RGPD2: variants seen among roughly 807,000 people sequenced by gnomAD.
The protein encoded by RGPD2 is RANBP2-like and GRIP domain-containing protein 2.
Under a neutral mutation model 36.0 loss-of-function variants are expected in RGPD2, and 2 were observed. The ratio of observed to expected loss-of-function variants is 0.06; its 90% CI spans 0.02 to 0.17. RGPD2 has a LOEUF of 0.17. RGPD2 is among the 10% of genes least tolerant of loss of function. The pLI is 1.00. For missense variants in RGPD2, 40 were observed against 464.3 expected, an observed-to-expected ratio of 0.09 and a Z score of 8.40; for synonymous variants, 19 against 163.8, an observed-to-expected ratio of 0.12 and a Z score of 6.75.
At chr2:87,959,653 CAT>C in the RGPD2 span, among the ~76,000 whole-genome samples, 1 of 129,790 alleles carries the variant, frequency 7.7e-6, no homozygotes, top group African/African-American at 2.8e-5. Flanking sequence ...GCTAGTTAAA[CAT>C]ATGTTTTTAT....
chr2:87,760,640 C>A (rs1573992241), intron 22 of RGPD2, among the ~76,000 whole-genome samples: 1 of 7,708 alleles, frequency 1.3e-4, no homozygotes, highest in Non-Finnish European at 3.3e-4. Context: ...TTTTTTGAGA[C>A]AGAGTCTTGC....
chr2:87,878,788 T>TAGAA, the RGPD2 span, among the ~76,000 whole-genome samples: 4 of 152,228 alleles, frequency 2.6e-5, no homozygotes, highest in Non-Finnish European at 5.9e-5. Context: ...TCTACTTCTA[T>TAGAA]GAATTTGACT....
At chr2:87,937,524 T>C in the RGPD2 span, among the ~76,000 whole-genome samples, 1 of 151,750 alleles carries the variant, frequency 6.6e-6, no homozygotes, top group Non-Finnish European at 1.5e-5. Context: ...AGAGTAGGCA[T>C]GTCACATGAT....
the RGPD2 span, among the ~76,000 whole-genome samples, chr2:87,843,752 C>T: frequency 2.0e-5 from 3 of 152,134 alleles, no homozygotes; most frequent in South Asian, 2.1e-4. Flanking sequence ...GCTATAAAGA[C>T]ACATGCAGAC....
the RGPD2 span, among the ~76,000 whole-genome samples, chr2:87,929,553 C>A: frequency 2.7e-5 from 4 of 150,094 alleles, no homozygotes; most frequent in South Asian, 4.2e-4. Flanking sequence ...ATTCAGGCTC[C>A]TTTTCAGTTC....
the RGPD2 span, among the ~76,000 whole-genome samples, chr2:87,855,227 C>T: frequency 6.6e-6 from 1 of 152,058 alleles, no homozygotes; most frequent in South Asian, 2.1e-4. Flanking sequence ...ACGTTTTCCA[C>T]TCATTTGTGT....
chr2:87,882,819 C>T, the RGPD2 span, among the ~76,000 whole-genome samples: 2 of 152,126 alleles, frequency 1.3e-5, no homozygotes, highest in African/African-American at 4.8e-5. Flanking sequence ...TTCTTGGTAA[C>T]ATTTAATTAT....
chr2:87,940,152 A>G, the RGPD2 span, among the ~76,000 whole-genome samples: 3 of 152,062 alleles, frequency 2.0e-5, no homozygotes, highest in East Asian at 5.8e-4. Flanking sequence ...AAACAAAAAC[A>G]TAGCAAATTC....
the RGPD2 span, among the ~76,000 whole-genome samples, chr2:87,858,386 G>C: frequency 6.6e-6 from 1 of 151,378 alleles, no homozygotes; most frequent in Admixed American, 6.6e-5. Context: ...GGTTGCGGGG[G>C]TATACCTGTG....
intron 4 of RGPD2, among the ~76,000 whole-genome samples, chr2:87,812,716 TTACA>T (rs1686138999): frequency 1.2e-5 from 1 of 86,238 alleles, no homozygotes; most frequent in African/African-American, 4.5e-5. Context: ...CTCTCTGAAC[TTACA>T]TACAAGGAGA....
the RGPD2 span, among the ~76,000 whole-genome samples, chr2:87,909,144 G>T: frequency 3.6e-4 from 55 of 151,866 alleles, no homozygotes; most frequent in African/African-American, 1.2e-3. Context: ...ATTTGCTGTG[G>T]GTCTCAGGAT....
chr2:87,886,962 G>A, the RGPD2 span, among the ~76,000 whole-genome samples: 6 of 151,550 alleles, frequency 4.0e-5, no homozygotes, highest in East Asian at 1.9e-4. Context: ...TGATTGACCC[G>A]AGAGCTTGTG....
the RGPD2 span, among the ~76,000 whole-genome samples, chr2:87,893,402 T>C: frequency 6.8e-6 from 1 of 147,248 alleles, no homozygotes; most frequent in African/African-American, 2.6e-5. Flanking sequence ...CTGGTCTTCT[T>C]GATCTCAGCT....
intron 17 of RGPD2, among the ~76,000 whole-genome samples, 149 bp downstream of exon 17, chr2:87,791,837 TAAAA>T (rs879026813): frequency 3.1e-5 from 1 of 32,370 alleles, no homozygotes; most frequent in Non-Finnish European, 4.3e-5. Flanking sequence ...GACCCTGTCT[TAAAA>T]AAAAAAAAAA....
chr2:87,986,050 A>G, the RGPD2 span: 4 of 634,054 alleles, frequency 6.3e-6, no homozygotes, highest in Non-Finnish European at 8.2e-6. Context: ...TAAAGAGCCA[A>G]TGAGATGCAA....
the RGPD2 span, among the ~76,000 whole-genome samples, chr2:87,970,317 A>G: frequency 1.3e-5 from 2 of 151,452 alleles, no homozygotes; most frequent in African/African-American, 4.9e-5. Flanking sequence ...TTATATACAT[A>G]CACGTATATA....
the RGPD2 span, among the ~76,000 whole-genome samples, chr2:87,913,429 A>T: frequency 2.0e-5 from 3 of 151,878 alleles, no homozygotes; most frequent in Non-Finnish European, 4.4e-5. Flanking sequence ...GCATTGGGAG[A>T]TATACCTAAT....
rs1326743717 is a variant in RGPD2 at position 87,756,491 on chromosome 2, G to A, written c.*901C>T. On this transcript the variant is annotated 3_prime_UTR_variant, in exon 23 of 23. Transcript: ENST00000398146. ...TGATCTCATTTTATATTGTTTACTT[G>A]AATATTTCCTGTAACCCCCCTGTCT... 2.1e-5 allele frequency: 6 copies of A among 287,106 alleles called. No individual in the cohort carries two copies. Among genetic ancestry groups the A allele is most frequent in the Admixed American group, 4.6e-5 (1 of 21,754 alleles). 17.8% of individuals were successfully genotyped at this position (287,106 alleles called of 1,614,324 possible).
At chr2:87,957,442 T>G in the RGPD2 span, among the ~76,000 whole-genome samples, 1 of 152,110 alleles carries the variant, frequency 6.6e-6, no homozygotes, top group Non-Finnish European at 1.5e-5. Context: ...TTTTGGTGAC[T>G]GGGAAGTCCA....
Sources: allele counts gnomAD v4.1 joint callset (sites outside exome capture counted in the v4.1 genomes callset), GRCh38; gene constraint gnomAD v4.1.1; transcripts MANE v1.5; gene names NCBI Gene and HGNC (gene_info 2026-07-23, HGNC 2026-07-21).